Variants in LYRM4 observed in about 807,000 individuals in gnomAD.
LYRM4 encodes the protein LYR motif containing 4, also known as LYR motif-containing protein 4.
In LYRM4, 9 loss-of-function variants were observed where a neutral mutation model predicts 11.7. The ratio of observed to expected loss-of-function variants is 0.77; its 90% CI spans 0.46 to 1.34. The LOEUF (loss-of-function observed/expected upper bound fraction) is 1.34. Among genes scored for constraint, LYRM4 ranks in the 40% most tolerant of loss-of-function variants. The pLI, the probability that LYRM4 is intolerant of heterozygous loss-of-function variation, is 0.00. For synonymous variants in LYRM4, 42 were observed against 40.4 expected, an observed-to-expected ratio of 1.04 and a Z score of -0.15; for missense variants, 133 against 112.5, an observed-to-expected ratio of 1.18 and a Z score of -0.82.
rs1762746906 is a variant in LYRM4, at chr6:5,108,771, C to T, written c.*652G>A. On this transcript the variant is annotated 3_prime_UTR_variant, in exon 3 of 3. Transcript: ENST00000330636. ...CTTGAGCCTGCATTTCCAGCAAATT[C>T]CCAGGTGGGGCTGAGGTTGCTGATC... 19 of 985,446 alleles carry T rather than the reference C, an allele frequency of 1.9e-5. 1 individual carries two copies. In the South Asian group the frequency reaches 8.0e-4, roughly 41 times the overall value. The allele number at this position is 985,446 out of a possible 1,614,324, so 61.0% of individuals were successfully genotyped here. A position where few individuals can be genotyped will look rare whatever the true frequency, so the allele number is the denominator to read the frequency against.
intron 2 of LYRM4, among the ~76,000 whole-genome samples, chr6:5,201,569 G>C (rs1012351046): frequency 2.6e-5 from 4 of 152,064 alleles, no homozygotes; most frequent in African/African-American, 9.7e-5. Context: ...TAATCTGTTT[G>C]TTGCTCCAGA....
At chr6:5,225,627 G>C (rs925656082) in intron 1 of LYRM4, among the ~76,000 whole-genome samples, 3 of 152,158 alleles carry the variant, frequency 2.0e-5, no homozygotes, top group African/African-American at 7.2e-5. Context: ...GGATGTTTAG[G>C]TTGTCTCCAA....
intron 1 of LYRM4, among the ~76,000 whole-genome samples, chr6:5,222,098 T>C (rs35525232): frequency 0.049 from 7,467 of 152,252 alleles, 598 homozygotes; most frequent in African/African-American, 0.16. Context: ...GAGCAGAAAG[T>C]TTCTTTCTGA....
downstream of LYRM4, chr6:5,107,331 GC>G (rs1762691352): frequency 1.3e-5 from 2 of 152,232 alleles, no homozygotes; most frequent in South Asian, 4.1e-4. Context: ...CTGTTATCTT[GC>G]CGGCAATTTG....
the LYRM4 span, chr6:5,085,245 G>GCGGCGTGGCCCCGGAGC: frequency 2.2e-6 from 1 of 459,154 alleles, no homozygotes; most frequent in East Asian, 3.6e-5. Flanking sequence ...CAACCGGGAG[G>GCGGCGTGGCCCCGGAGC]CGGCGTGGCC....
At chr6:5,183,838 A>T (rs762816056) in intron 2 of LYRM4, among the ~76,000 whole-genome samples, 6 of 152,370 alleles carry the variant, frequency 3.9e-5, no homozygotes, top group Non-Finnish European at 8.8e-5. Context: ...ACCACTGCAG[A>T]TCTATTGTAT....
intron 2 of LYRM4, among the ~76,000 whole-genome samples, chr6:5,212,755 C>T (rs73363068): frequency 4.5e-4 from 68 of 152,232 alleles, no homozygotes; most frequent in African/African-American, 1.2e-3. Context: ...GAAAGAGATT[C>T]GAGACTGACA....
At chr6:5,216,594 C>T (rs1429849895) in intron 2 of LYRM4, 24 bp downstream of exon 2, 1 of 1,613,144 alleles carries the variant, frequency 6.2e-7, no homozygotes, top group East Asian at 2.2e-5. Context: ...TAATGAAAAA[C>T]AGTACATCAT....
the LYRM4 span, chr6:5,054,216 T>C: frequency 2.8e-5 from 13 of 462,430 alleles, no homozygotes; most frequent in Non-Finnish European, 3.7e-5. Context: ...ATTTATCAAA[T>C]GAATGCCTTG....
intron 2 of LYRM4, chr6:5,187,048 G>A: frequency 1.0e-6 from 1 of 968,884 alleles, no homozygotes; most frequent in Non-Finnish European, 1.2e-6. Context: ...TGACAAACGA[G>A]GAACTGTATT....
chr6:5,136,394 G>A (rs1332175838), intron 2 of LYRM4: 8 of 985,354 alleles, frequency 8.1e-6, no homozygotes, highest in Non-Finnish European at 7.2e-6. Flanking sequence ...GGGAAGACAC[G>A]ATAATGTAGT....
intron 2 of LYRM4, among the ~76,000 whole-genome samples, chr6:5,168,736 G>T (rs1028158545): frequency 3.3e-5 from 5 of 152,170 alleles, no homozygotes; most frequent in African/African-American, 1.2e-4. Flanking sequence ...TAGTATTACT[G>T]CATCATTGAT....
At chr6:5,090,015 GACAC>G in the LYRM4 span, among the ~76,000 whole-genome samples, 22 of 149,748 alleles carry the variant, frequency 1.5e-4, no homozygotes, top group East Asian at 2.0e-4. This position sits in a 1 kb window ranked among gnomAD's most constrained non-coding sequence, Gnocchi z 4.8. Flanking sequence ...CTGAAAGGAA[GACAC>G]ACACACACAC....
the LYRM4 span, among the ~76,000 whole-genome samples, chr6:5,040,795 C>T: frequency 6.6e-6 from 1 of 151,920 alleles, no homozygotes; most frequent in African/African-American, 2.4e-5. Flanking sequence ...CAGTAAAAAC[C>T]TGACTATATA....
intron 1 of LYRM4, 38 bp from the exon 2 acceptor site, chr6:5,216,776 G>C (rs775116269): frequency 1.9e-6 from 3 of 1,600,572 alleles, no homozygotes; most frequent in Non-Finnish European, 2.5e-6. Flanking sequence ...AAAGGTGTCA[G>C]CGTGTCTGAG....
At chr6:5,205,538 T>TA (rs200335585) in intron 2 of LYRM4, among the ~76,000 whole-genome samples, 6 of 149,374 alleles carry the variant, frequency 4.0e-5, no homozygotes, top group Non-Finnish European at 5.9e-5. Flanking sequence ...CAATGTCTTA[T>TA]AAAAAAAAAC....
At chr6:5,180,604 T>C (rs1036297674) in intron 2 of LYRM4, among the ~76,000 whole-genome samples, 7 of 152,228 alleles carry the variant, frequency 4.6e-5, no homozygotes, top group Non-Finnish European at 7.3e-5. Context: ...ACCCCTGAGC[T>C]TGCTCTTCCT....
intron 2 of LYRM4, among the ~76,000 whole-genome samples, chr6:5,193,054 A>G (rs1485511011): frequency 6.6e-6 from 1 of 152,186 alleles, no homozygotes; most frequent in Non-Finnish European, 1.5e-5. Context: ...ATTTGGGCCT[A>G]AGAGCTTACT....
intron 2 of LYRM4, among the ~76,000 whole-genome samples, chr6:5,199,594 C>CCT (rs1761268720): frequency 6.6e-6 from 1 of 152,198 alleles, no homozygotes; most frequent in South Asian, 2.1e-4. Context: ...GAAGAACAGT[C>CCT]ACTACCAGAC....
Sources: allele counts gnomAD v4.1 joint callset (sites outside exome capture counted in the v4.1 genomes callset), GRCh38; gene constraint gnomAD v4.1.1; non-coding constraint Gnocchi (gnomAD v3.1); transcripts MANE v1.5; gene names NCBI Gene and HGNC (gene_info 2026-07-23, HGNC 2026-07-21).